The following UBR3 variants were observed in gnomAD, a reference collection of about 807,000 sequenced individuals.
UBR3 encodes ubiquitin protein ligase E3 component n-recognin 3.
Under a neutral mutation model 243.2 loss-of-function variants are expected in UBR3, and 85 were observed. The observed-to-expected ratio is 0.35, with a 90% confidence interval of 0.29 to 0.42. UBR3 has a LOEUF of 0.42. Among genes scored for constraint, UBR3 ranks in the 10% least tolerant of loss-of-function variants. The pLI is 1.00. For synonymous variants in UBR3, 748 were observed against 799.8 expected (o/e 0.94, Z 1.09); for missense variants, 1,686 against 2,300.8 (o/e 0.73, Z 5.47).
At chr2:169,848,843 C>T (rs977955755) in intron 1 of UBR3, among the ~76,000 whole-genome samples, 6 of 151,822 alleles carry the variant, frequency 4.0e-5, no homozygotes, top group African/African-American at 1.5e-4. Context: ...GCTGGGATTA[C>T]AGGCGCCTGC....
intron 1 of UBR3, among the ~76,000 whole-genome samples, chr2:169,831,838 T>C (rs1001917935): frequency 2.0e-5 from 3 of 152,224 alleles, no homozygotes; most frequent in Non-Finnish European, 4.4e-5. Flanking sequence ...CCCCTTTAGA[T>C]TGCCAAAGAT....
chr2:169,965,007 T>A (rs1314190296), intron 24 of UBR3: 2 of 456,416 alleles, frequency 4.4e-6, no homozygotes, highest in Non-Finnish European at 8.8e-6. Context: ...TTTGTTTATG[T>A]TGGCCATGGC....
At chr2:169,878,718 G>T in intron 5 of UBR3, 144 bp downstream of exon 5, 1 of 742,288 alleles carries the variant, frequency 1.3e-6, no homozygotes, top group Non-Finnish European at 2.1e-6. Context: ...CTATAGACAA[G>T]GACACTGAAG....
intron 1 of UBR3, among the ~76,000 whole-genome samples, chr2:169,853,179 C>T (rs534965240): frequency 6.6e-5 from 10 of 152,198 alleles, no homozygotes; most frequent in Admixed American, 5.9e-4. Flanking sequence ...ATGGTGCTGT[C>T]CTTAGCTGCA....
At chr2:169,918,176 G>A (rs1222546485) in intron 11 of UBR3, among the ~76,000 whole-genome samples, 1 of 152,120 alleles carries the variant, frequency 6.6e-6, no homozygotes, top group Non-Finnish European at 1.5e-5. Flanking sequence ...TGTTTTAACT[G>A]TATTGGTTGT....
At chr2:169,897,698 G>T (rs573707735) in intron 8 of UBR3, among the ~76,000 whole-genome samples, 1 of 152,020 alleles carries the variant, frequency 6.6e-6, no homozygotes, top group African/African-American at 2.4e-5. Context: ...ATGGGGTTTT[G>T]CCATGGTGCC....
At chr2:169,978,142 T>C (rs1298973905) in intron 24 of UBR3, among the ~76,000 whole-genome samples, 2 of 152,188 alleles carry the variant, frequency 1.3e-5, no homozygotes, top group Non-Finnish European at 2.9e-5. Context: ...AGGCTGTTAA[T>C]GTCCTTGGTG....
chr2:169,895,124 TA>T, intron 6 of UBR3, 56 bp from the exon 7 acceptor site: 1 of 1,439,626 alleles, frequency 6.9e-7, no homozygotes, highest in Non-Finnish European at 9.1e-7. Context: ...TTATTAGTTA[TA>T]AAATGAGATG....
At chr2:169,865,302 A>G (rs2083221985) in intron 1 of UBR3, among the ~76,000 whole-genome samples, 1 of 152,136 alleles carries the variant, frequency 6.6e-6, no homozygotes, top group Non-Finnish European at 1.5e-5. Flanking sequence ...AGCATCTGCT[A>G]TGTTAAATGG....
intron 4 of UBR3, 36 bp from the exon 5 acceptor site, chr2:169,878,489 A>T: frequency 2.6e-6 from 4 of 1,535,286 alleles, no homozygotes; most frequent in Non-Finnish European, 3.5e-6. Flanking sequence ...ATATGTAGCA[A>T]CTATGAAGGA....
chr2:170,017,808 G>C (rs16857453), intron 30 of UBR3, among the ~76,000 whole-genome samples: 1,760 of 152,168 alleles, frequency 0.012, 47 homozygotes, highest in African/African-American at 0.039. Context: ...ACTCAAATTA[G>C]CTCACATAGC....
At chr2:169,901,462 A>T (rs1275336980) in intron 8 of UBR3, among the ~76,000 whole-genome samples, 3 of 152,170 alleles carry the variant, frequency 2.0e-5, no homozygotes, top group Non-Finnish European at 4.4e-5. Flanking sequence ...AAAGTATCAT[A>T]AGCTTTTCCC....
At chr2:170,067,852 C>A (rs908547094) in intron 35 of UBR3, among the ~76,000 whole-genome samples, 3 of 151,304 alleles carry the variant, frequency 2.0e-5, no homozygotes, top group Non-Finnish European at 4.4e-5. Context: ...TGACTGCAAC[C>A]TCTGCACCTG....
chr2:170,015,410 T>C, intron 30 of UBR3, 44 bp downstream of exon 30: 1 of 1,474,352 alleles, frequency 6.8e-7, no homozygotes, highest in Non-Finnish European at 9.3e-7. Flanking sequence ...TTCTGTCATT[T>C]TTGGAAGCAT....
intron 24 of UBR3, among the ~76,000 whole-genome samples, chr2:169,969,053 ATTAAC>A (rs1296523091): frequency 2.0e-5 from 3 of 152,140 alleles, no homozygotes; most frequent in African/African-American, 4.8e-5. Context: ...ATTTTCTGCT[ATTAAC>A]TTGTTTGAGT....
chr2:169,936,297 G>C (rs2105352629), intron 19 of UBR3, among the ~76,000 whole-genome samples: 1 of 152,228 alleles, frequency 6.6e-6, no homozygotes, highest in Admixed American at 6.5e-5. Context: ...GACCTCAGGT[G>C]ATCCGCCCAC....
At chr2:170,047,648 C>T (rs948450376) in intron 32 of UBR3, among the ~76,000 whole-genome samples, 2 of 152,122 alleles carry the variant, frequency 1.3e-5, no homozygotes, top group Non-Finnish European at 2.9e-5. Context: ...ACAGTAGTCC[C>T]CCCTTACCCA....
chr2:170,024,353 C>CAAAAAAAAAAA (rs10606818), intron 30 of UBR3, among the ~76,000 whole-genome samples: 1 of 101,956 alleles, frequency 9.8e-6, no homozygotes, highest in African/African-American at 4.2e-5. Context: ...GACTCCATCT[C>CAAAAAAAAAAA]AAAAAAAAAA....
rs1277063758 is a variant in UBR3, at chr2:169,827,825, G to A, written c.318G>A (p.Glu106=). The part of the protein sequence containing the change: ...CLLAGGGGYD[E]FCAAVRAYDP... ...TGGCGGGCGGCGGCGGCTACGACGA[G>A]TTCTGCGCGGCGGTGCGGGCCTACG... The change falls in exon 1 of 39, where the codon GAG becomes GAA. Residue 106 remains glutamate, a synonymous_variant. Coordinates refer to ENST00000272793, the MANE Select transcript of UBR3 (RefSeq NM_172070.4). 3 of 1,503,078 alleles carry A rather than the reference G, an allele frequency of 2.0e-6. No individual in the cohort carries two copies. Among genetic ancestry groups the A allele is most frequent in the African/African-American group, 2.9e-5 (2 of 69,618 alleles). 93.1% of individuals were successfully genotyped at this position (1,503,078 alleles called of 1,614,324 possible).
Sources: allele counts gnomAD v4.1 joint callset (sites outside exome capture counted in the v4.1 genomes callset), GRCh38; gene constraint gnomAD v4.1.1; transcripts MANE v1.5; gene names NCBI Gene and HGNC (gene_info 2026-07-23, HGNC 2026-07-21).